Variants in CAP2 observed in about 807,000 individuals in gnomAD.
CAP2 encodes the protein cyclase associated actin cytoskeleton regulatory protein 2, also known as adenylyl cyclase-associated protein 2.
CAP2 carries 24 observed loss-of-function variants against 57.7 expected under a neutral mutation model. The ratio of observed to expected loss-of-function variants is 0.42; its 90% CI spans 0.30 to 0.58. The LOEUF (loss-of-function observed/expected upper bound fraction) is 0.58. Ranked by LOEUF, CAP2 falls within the 20% of genes least tolerant of loss-of-function variation. The pLI is 0.22. For synonymous variants in CAP2, 194 were observed against 207.2 expected, an observed-to-expected ratio of 0.94 and a Z score of 0.55; for missense variants, 501 against 590.3, an observed-to-expected ratio of 0.85 and a Z score of 1.57.
At chr6:17,395,521 C>T (rs1462433943) in intron 1 of CAP2, among the ~76,000 whole-genome samples, 1 of 152,118 alleles carries the variant, frequency 6.6e-6, no homozygotes, top group Non-Finnish European at 1.5e-5. Flanking sequence ...GTTTGCTACT[C>T]CCACTGATTG....
At chr6:17,518,395 A>G (rs571537561) in intron 7 of CAP2, among the ~76,000 whole-genome samples, 1 of 152,308 alleles carries the variant, frequency 6.6e-6, no homozygotes, top group Admixed American at 6.5e-5. Flanking sequence ...AAAATGGAGG[A>G]TAAACAGTTA....
intron 1 of CAP2, among the ~76,000 whole-genome samples, chr6:17,417,021 A>G (rs1358629334): frequency 3.3e-5 from 5 of 151,968 alleles, no homozygotes; most frequent in Non-Finnish European, 5.9e-5. Flanking sequence ...CTCCCTTGAG[A>G]CCAGGAGGTG....
intron 7 of CAP2, among the ~76,000 whole-genome samples, chr6:17,539,030 C>A (rs115110295): frequency 0.027 from 4,088 of 152,262 alleles, 76 homozygotes; most frequent in Non-Finnish European, 0.041. Context: ...GGCTCATTGC[C>A]GCACAGATCC....
chr6:17,483,451 T>C (rs1017745236), intron 4 of CAP2, among the ~76,000 whole-genome samples: 6 of 152,202 alleles, frequency 3.9e-5, no homozygotes, highest in African/African-American at 1.4e-4. Context: ...AGGAGCGGCA[T>C]TGGTGTGCAT....
intron 3 of CAP2, among the ~76,000 whole-genome samples, chr6:17,452,508 G>A (rs3777690): frequency 0.14 from 21,282 of 152,144 alleles, 4,816 homozygotes; most frequent in African/African-American, 0.48. Flanking sequence ...GAAACATTCC[G>A]TACTTCTTTA....
At chr6:17,455,131 C>T (rs930384854) in intron 3 of CAP2, among the ~76,000 whole-genome samples, 1 of 152,072 alleles carries the variant, frequency 6.6e-6, no homozygotes, top group Non-Finnish European at 1.5e-5. Context: ...CAAGGAACGG[C>T]AATCTCCCAA....
At chr6:17,401,901 G>T (rs912492381) in intron 1 of CAP2, among the ~76,000 whole-genome samples, 3 of 152,096 alleles carry the variant, frequency 2.0e-5, no homozygotes, top group African/African-American at 7.2e-5. Flanking sequence ...TTTCTGAATG[G>T]AAGGTGGACA....
At chr6:17,544,798 A>G (rs1581611686) in intron 11 of CAP2, among the ~76,000 whole-genome samples, 1 of 152,296 alleles carries the variant, frequency 6.6e-6, no homozygotes, top group Non-Finnish European at 1.5e-5. Flanking sequence ...CAAGTGGTCC[A>G]CCTGCCTCGG....
intron 1 of CAP2, among the ~76,000 whole-genome samples, chr6:17,396,664 A>G (rs2113492472): frequency 6.6e-6 from 1 of 152,296 alleles, no homozygotes; most frequent in South Asian, 2.1e-4. Flanking sequence ...TGGGTTGAGT[A>G]GGGAAGTGAT....
At chr6:17,509,348 C>T (rs992775890) in intron 6 of CAP2, among the ~76,000 whole-genome samples, 15 of 151,854 alleles carry the variant, frequency 9.9e-5, no homozygotes, top group African/African-American at 3.6e-4. Flanking sequence ...ATACATCCAT[C>T]CCTCAAGTTA....
chr6:17,504,888 G>A (rs1761936821), intron 4 of CAP2, among the ~76,000 whole-genome samples: 1 of 152,168 alleles, frequency 6.6e-6, no homozygotes, highest in South Asian at 2.1e-4. Flanking sequence ...AGCTGAACTA[G>A]GTGACCCAGT....
chr6:17,528,924 TAAG>T (rs564015516), intron 7 of CAP2, among the ~76,000 whole-genome samples: 15 of 152,296 alleles, frequency 9.8e-5, no homozygotes, highest in African/African-American at 3.6e-4. Flanking sequence ...CTCAAAATTC[TAAG>T]AAGTGGAGCC....
At chr6:17,504,425 A>G (rs1346172510) in intron 4 of CAP2, among the ~76,000 whole-genome samples, 1 of 152,170 alleles carries the variant, frequency 6.6e-6, no homozygotes, top group African/African-American at 2.4e-5. Flanking sequence ...TTTGCTCTTA[A>G]TCTCTTCTAA....
rs1762948379 is a variant in CAP2 at position 17,543,148 on chromosome 6, G to A, written c.1209+5G>A. On this transcript the variant is annotated splice_donor_5th_base_variant and intron_variant, in intron 11 of 12. Coordinates refer to ENST00000229922, the MANE Select transcript of CAP2 (RefSeq NM_006366.3). ...TCCCAGGACATTCAAATCCAGGTAA[G>A]CAGAGCCTTTCCAACCATGCTGTAA... The A allele has an allele frequency of 1.9e-6, 3 of 1,610,790 alleles. No homozygotes were observed. The highest frequency in any genetic ancestry group is 2.7e-5 in the African/African-American group (2 of 74,842).
At chr6:17,498,872 G>A (rs2113645217) in intron 4 of CAP2, among the ~76,000 whole-genome samples, 1 of 151,984 alleles carries the variant, frequency 6.6e-6, no homozygotes, top group East Asian at 2.0e-4. Context: ...GGGATTACAG[G>A]CGCCCGCCAC....
intron 1 of CAP2, among the ~76,000 whole-genome samples, chr6:17,406,131 A>G (rs1450569539): frequency 6.6e-6 from 1 of 152,114 alleles, no homozygotes; most frequent in East Asian, 1.9e-4. Context: ...GTTCATACAC[A>G]GAGCCAGGGC....
At chr6:17,469,540 C>A (rs1286592035) in intron 4 of CAP2, among the ~76,000 whole-genome samples, 1 of 151,946 alleles carries the variant, frequency 6.6e-6, no homozygotes, top group Non-Finnish European at 1.5e-5. Context: ...TCATTGGCTG[C>A]CTGGTAGGTT....
chr6:17,550,127 G>C (rs1046835668), intron 11 of CAP2, among the ~76,000 whole-genome samples: 10 of 152,086 alleles, frequency 6.6e-5, no homozygotes, highest in Non-Finnish European at 1.5e-4. Context: ...CCAGCACTTT[G>C]GGAGGCCAAG....
chr6:17,550,734 G>A (rs560847156), intron 11 of CAP2, among the ~76,000 whole-genome samples: 2 of 152,132 alleles, frequency 1.3e-5, no homozygotes, highest in East Asian at 1.9e-4. Context: ...ATTTAAAACC[G>A]ATCAGAATTT....
Sources: allele counts gnomAD v4.1 joint callset (sites outside exome capture counted in the v4.1 genomes callset), GRCh38; gene constraint gnomAD v4.1.1; transcripts MANE v1.5; gene names NCBI Gene and HGNC (gene_info 2026-07-23, HGNC 2026-07-21).